The following WDR93 variants were observed in gnomAD, a reference collection of about 807,000 sequenced individuals.
WDR93 encodes WD repeat-containing protein 93.
Under a neutral mutation model 82.9 loss-of-function variants are expected in WDR93, and 73 were observed. That is an observed-to-expected ratio of 0.88 (90% CI 0.73 to 1.07). WDR93 has a LOEUF of 1.07. Among genes scored for constraint, WDR93 ranks in the 50% least tolerant of loss-of-function variants. The pLI is 0.00. For missense variants in WDR93, 738 were observed against 826.0 expected (o/e 0.89, Z 1.31); for synonymous variants, 283 against 300.1 (o/e 0.94, Z 0.59).
At chr15:89,717,002 AT>A in intron 7 of WDR93, 53 bp downstream of exon 7, 1 of 885,084 alleles carries the variant, frequency 1.1e-6, no homozygotes, top group East Asian at 3.0e-5. Context: ...TATTTTAGAG[AT>A]TTTTTAAAAA....
chr15:89,721,311 C>T (rs1011521894), intron 7 of WDR93: 3 of 152,268 alleles, frequency 2.0e-5, no homozygotes, highest in African/African-American at 4.8e-5. Context: ...AATCCCATTA[C>T]TTTGGGAGGC....
intron 9 of WDR93, among the ~76,000 whole-genome samples, chr15:89,728,262 A>G (rs538276962): frequency 3.9e-5 from 6 of 152,222 alleles, no homozygotes; most frequent in Non-Finnish European, 7.4e-5. Flanking sequence ...ATTAGCTCCA[A>G]GTTGTGTTGG....
At chr15:89,715,426 C>A (rs1207557668) in intron 6 of WDR93, among the ~76,000 whole-genome samples, 1 of 152,048 alleles carries the variant, frequency 6.6e-6, no homozygotes, top group Non-Finnish European at 1.5e-5. Context: ...CTGAAATAAT[C>A]TTTTCATGCC....
intron 1 of WDR93, among the ~76,000 whole-genome samples, chr15:89,694,161 TA>T (rs1314502302): frequency 1.3e-5 from 2 of 152,210 alleles, no homozygotes; most frequent in African/African-American, 4.8e-5. Flanking sequence ...AACATCTTTT[TA>T]TGAGTCTATC....
At chr15:89,700,530 G>C (rs1054561002) in intron 1 of WDR93, among the ~76,000 whole-genome samples, 6 of 147,698 alleles carry the variant, frequency 4.1e-5, no homozygotes, top group Non-Finnish European at 5.9e-5. Context: ...ACATATGAAA[G>C]CCTTTTTATA....
In WDR93 at chr15:89,709,012, G is replaced by A. The variant is rs1015477005; in HGVS notation, c.562-3014G>A. On this transcript the variant is annotated intron_variant, in intron 4 of 16. Coordinates refer to ENST00000268130, the MANE Select transcript of WDR93 (RefSeq NM_020212.2). The stretch of plus-strand genomic sequence containing the variant: ...ACTATTGTGGCTGTGACGGCCAGGT[G>A]CCCACACTATTGCAGCCGTCCGGTG... Among the ~76,000 whole-genome samples the A allele has an allele frequency of 1.4e-4, 21 of 152,346 alleles. 1 individual carries two copies. The highest frequency in any genetic ancestry group is 1.3e-3 in the Admixed American group (20 of 15,304).
intron 4 of WDR93, among the ~76,000 whole-genome samples, chr15:89,711,399 CCCTATAAT>C (rs1421816004): frequency 1.3e-5 from 2 of 151,826 alleles, no homozygotes; most frequent in Non-Finnish European, 2.9e-5. Context: ...TGGCTCATGC[CCCTATAAT>C]CCTAGCACTT....
intron 16 of WDR93, among the ~76,000 whole-genome samples, chr15:89,742,146 G>A (rs1021462929): frequency 6.6e-5 from 10 of 152,182 alleles, no homozygotes; most frequent in African/African-American, 1.9e-4. Flanking sequence ...CCAGCAGTTT[G>A]GGAGACAGAG....
chr15:89,693,230 A>G (rs1454719276), intron 1 of WDR93, among the ~76,000 whole-genome samples: 1 of 152,228 alleles, frequency 6.6e-6, no homozygotes, highest in Non-Finnish European at 1.5e-5. Flanking sequence ...AATATGCAGG[A>G]ATGTGATTGC....
intron 14 of WDR93, 73 bp from the exon 15 acceptor site, chr15:89,737,500 T>A: frequency 6.3e-7 from 1 of 1,578,108 alleles, no homozygotes. Context: ...CTTACTGGGG[T>A]GACCTCTACA....
chr15:89,734,586 A>G (rs1967006856), intron 13 of WDR93, among the ~76,000 whole-genome samples: 1 of 152,250 alleles, frequency 6.6e-6, no homozygotes, highest in African/African-American at 2.4e-5. Flanking sequence ...GTAGAAAAAC[A>G]GACTCCATCT....
intron 16 of WDR93, among the ~76,000 whole-genome samples, chr15:89,740,908 G>A (rs1052138111): frequency 2.0e-5 from 3 of 152,180 alleles, no homozygotes; most frequent in African/African-American, 7.2e-5. Context: ...GGGAGGCCAA[G>A]GCGGGTGGAT....
chr15:89,729,084 G>T lies in WDR93; in HGVS notation c.1114G>T (p.Gly372Cys), dbSNP rs765203860. The T allele has an allele frequency of 1.2e-6, 2 of 1,613,846 alleles. No individual in the cohort carries two copies. The highest frequency in any genetic ancestry group is 2.7e-5 in the African/African-American group (2 of 74,886). The change falls in exon 10 of 17, where the codon GGC becomes TGC. Residue 372 changes from glycine (G) to cysteine (C), a missense_variant. Coordinates refer to ENST00000268130, the MANE Select transcript of WDR93 (RefSeq NM_020212.2). ...ATTTGCAATGCCACCGGAAGTCAAG[G>T]GCCCCTCAGGTAAATGAACATGAAG... ...CLFAMPPEVK[G>C]PSGMACVLGI...
intron 13 of WDR93, 132 bp downstream of exon 13, chr15:89,733,351 C>G (rs1170873481): frequency 1.2e-6 from 1 of 820,480 alleles, no homozygotes; most frequent in Non-Finnish European, 1.9e-6. Flanking sequence ...TGGTGAGCTT[C>G]TGAAGATCAC....
chr15:89,740,500 TG>T (rs1276832419), intron 16 of WDR93, among the ~76,000 whole-genome samples: 1 of 151,498 alleles, frequency 6.6e-6, no homozygotes, highest in African/African-American at 2.4e-5. Context: ...TTTTGTTTTT[TG>T]TTTTTGTTTT....
At chr15:89,741,892 C>T (rs1433000412) in intron 16 of WDR93, among the ~76,000 whole-genome samples, 1 of 152,166 alleles carries the variant, frequency 6.6e-6, no homozygotes, top group Non-Finnish European at 1.5e-5. Flanking sequence ...GCTGGGACTA[C>T]AGGCACATGC....
intron 1 of WDR93, among the ~76,000 whole-genome samples, chr15:89,692,647 T>C (rs974859076): frequency 3.9e-5 from 6 of 152,242 alleles, no homozygotes; most frequent in Admixed American, 6.5e-5. Context: ...TTTGCTCTTA[T>C]TGCCCAGGCT....
intron 12 of WDR93, 43 bp from the exon 13 acceptor site, chr15:89,732,963 C>A: frequency 6.3e-7 from 1 of 1,597,478 alleles, no homozygotes; most frequent in Non-Finnish European, 8.6e-7. Flanking sequence ...GGCCTCCTCC[C>A]CTACCCCGTT....
Position 89,712,074 on chromosome 15 carries a change from G to A in WDR93, c.610G>A (p.Gly204Arg). 1 of 1,613,184 alleles carries A rather than the reference G, an allele frequency of 6.2e-7. No individual in the cohort carries two copies. The highest frequency in any genetic ancestry group is 8.5e-7 in the Non-Finnish European group (1 of 1,179,528). Residue 204 changes from glycine (G) to arginine (R), a missense_variant, in exon 5 of 17, where the codon GGA becomes AGA. Physicochemically the swap from Gly to Arg is moderately radical, Grantham distance 125. Transcript: ENST00000268130. The stretch of plus-strand genomic sequence containing the variant: ...CTGTATAAAGATGGAGATCTCTCAA[G>A]GAGGGGACTTTGCAGCCTTCCTCCT... ...TTCIKMEISQ[G>R]GDFAAFLLQG...
Sources: gnomAD v4.1 joint callset for allele counts (sites outside exome capture counted in the v4.1 genomes callset) on GRCh38, gnomAD v4.1.1 for gene constraint, MANE v1.5 for transcripts, NCBI Gene and HGNC (gene_info 2026-07-23, HGNC 2026-07-21) for gene names.